SLC9A9: variants seen among roughly 807,000 people sequenced by gnomAD.
SLC9A9 encodes sodium/hydrogen exchanger 9.
In SLC9A9, 62 loss-of-function variants were observed where a neutral mutation model predicts 77.8. That is an observed-to-expected ratio of 0.80 (90% CI 0.65 to 0.98). SLC9A9 has a LOEUF of 0.98. SLC9A9 is among the 50% of genes least tolerant of loss of function. The pLI, the probability that SLC9A9 is intolerant of heterozygous loss-of-function variation, is 0.00. For missense variants in SLC9A9, 775 were observed against 774.9 expected (o/e 1.00, Z 0.00); for synonymous variants, 320 against 283.5 (o/e 1.13, Z -1.29).
At chr3:143,695,961 A>T (rs1458762354) in intron 4 of SLC9A9, among the ~76,000 whole-genome samples, 1 of 151,890 alleles carries the variant, frequency 6.6e-6, no homozygotes, top group African/African-American at 2.4e-5. Flanking sequence ...TCTTTTGAGA[A>T]GTGTCTGTTC....
At chr3:143,442,046 C>T (rs1457981154) in intron 12 of SLC9A9, among the ~76,000 whole-genome samples, 1 of 152,122 alleles carries the variant, frequency 6.6e-6, no homozygotes, top group Non-Finnish European at 1.5e-5. Flanking sequence ...CTTAACTACC[C>T]ATCCATCCAC....
At chr3:143,373,638 A>T (rs1177022024) in intron 13 of SLC9A9, among the ~76,000 whole-genome samples, 1 of 146,412 alleles carries the variant, frequency 6.8e-6, no homozygotes, top group African/African-American at 2.5e-5. Context: ...AATAGCCATT[A>T]AAAATTCCTG....
At chr3:143,707,963 C>G (rs1439223578) in intron 4 of SLC9A9, among the ~76,000 whole-genome samples, 1 of 152,182 alleles carries the variant, frequency 6.6e-6, no homozygotes, top group Non-Finnish European at 1.5e-5. Flanking sequence ...GAAGCACTCA[C>G]TCACCCTTGC....
intron 14 of SLC9A9, among the ~76,000 whole-genome samples, chr3:143,304,326 C>T (rs749147456): frequency 3.9e-5 from 6 of 152,220 alleles, no homozygotes; most frequent in Non-Finnish European, 8.8e-5. Flanking sequence ...ATCCAAGAAA[C>T]ACCCACGTTA....
intron 14 of SLC9A9, among the ~76,000 whole-genome samples, chr3:143,303,451 G>T (rs2030626328): frequency 6.6e-6 from 1 of 152,036 alleles, no homozygotes; most frequent in Non-Finnish European, 1.5e-5. Flanking sequence ...AGGAGCAGAG[G>T]TGTGAAACAG....
At chr3:143,694,088 G>T (rs1933558294) in intron 4 of SLC9A9, among the ~76,000 whole-genome samples, 1 of 152,112 alleles carries the variant, frequency 6.6e-6, no homozygotes, top group Admixed American at 6.6e-5. Context: ...CTGAATCACA[G>T]TGTAATTTAA....
rs747972846 is a variant in SLC9A9 at position 143,832,032 on chromosome 3, G to A, written c.365C>T (p.Ala122Val). The A allele has an allele frequency of 1.2e-6, 2 of 1,611,434 alleles. No homozygotes were observed. Among genetic ancestry groups the A allele is most frequent in the Non-Finnish European group, 1.7e-6 (2 of 1,178,410 alleles). Reference protein sequence around the residue: ...QHNINPHQGNAILEKMTFDPE... With the variant: ...QHNINPHQGNVILEKMTFDPE... ...CAGGATCCTTACCTTTTCAAGTATA[G>A]CATTTCCTTGATGAGGATTGATGTT... is the stretch of plus-strand genomic sequence containing the variant. The change falls in exon 2 of 16, where the codon GCT becomes GTT. Residue 122 changes from alanine (A) to valine (V), a missense_variant. Ala to Val is a moderately conservative substitution (Grantham distance 64). Coordinates refer to ENST00000316549, the MANE Select transcript of SLC9A9 (RefSeq NM_173653.4).
intron 13 of SLC9A9, among the ~76,000 whole-genome samples, chr3:143,367,851 C>A (rs868041490): frequency 1.3e-4 from 20 of 151,958 alleles, no homozygotes; most frequent in African/African-American, 4.8e-4. Context: ...ATCTTTATTC[C>A]AGAGGGGATG....
chr3:143,402,914 A>G (rs536935317), intron 12 of SLC9A9, among the ~76,000 whole-genome samples: 51 of 151,302 alleles, frequency 3.4e-4, no homozygotes, highest in African/African-American at 1.1e-3. Flanking sequence ...AAAAAATCAT[A>G]TTTTTTGTTA....
At chr3:143,651,984 A>T (rs986981232) in intron 6 of SLC9A9, among the ~76,000 whole-genome samples, 2 of 71,354 alleles carry the variant, frequency 2.8e-5, no homozygotes, top group Non-Finnish European at 5.8e-5. Context: ...TGTGCATTTT[A>T]GGAACCTAAG....
At chr3:143,392,273 C>A (rs1559895431) in intron 12 of SLC9A9, among the ~76,000 whole-genome samples, 1 of 152,142 alleles carries the variant, frequency 6.6e-6, no homozygotes, top group Non-Finnish European at 1.5e-5. Context: ...CTCTACAAGC[C>A]AGAAGACAGT....
At chr3:143,705,949 A>G (rs1164155765) in intron 4 of SLC9A9, among the ~76,000 whole-genome samples, 1 of 152,232 alleles carries the variant, frequency 6.6e-6, no homozygotes, top group Non-Finnish European at 1.5e-5. Context: ...GGAAAGCGCT[A>G]AGTGTCCTAC....
intron 14 of SLC9A9, among the ~76,000 whole-genome samples, chr3:143,283,498 C>A (rs1459550568): frequency 1.3e-5 from 2 of 152,212 alleles, no homozygotes; most frequent in East Asian, 1.9e-4. Flanking sequence ...CACTGAGAGG[C>A]AAAGCTGCTC....
At chr3:143,355,920 T>C (rs2032572991) in intron 14 of SLC9A9, among the ~76,000 whole-genome samples, 1 of 152,208 alleles carries the variant, frequency 6.6e-6, no homozygotes, top group African/African-American at 2.4e-5. Context: ...TAAATCTAGA[T>C]CTTCATATCA....
intron 4 of SLC9A9, among the ~76,000 whole-genome samples, chr3:143,759,736 G>T (rs1196433391): frequency 1.3e-5 from 2 of 151,618 alleles, no homozygotes. Flanking sequence ...CCAATGTATG[G>T]TTTCTATCTC....
chr3:143,351,096 T>C (rs1408118218), intron 14 of SLC9A9, among the ~76,000 whole-genome samples: 1 of 152,206 alleles, frequency 6.6e-6, no homozygotes, highest in African/African-American at 2.4e-5. Context: ...TTTAAAACCT[T>C]TTTGATTATG....
Position 143,848,257 on chromosome 3 carries a change from C to T in SLC9A9, c.66G>A (p.Val22=). Residue 22 remains valine, a synonymous_variant, in exon 1 of 16, where the codon GTG becomes GTA. Coordinates refer to ENST00000316549, the MANE Select transcript of SLC9A9 (RefSeq NM_173653.4). ...GCAAAAAATTGAAGACAAGCAGCTC[C>T]ACCGCTCCCTGATGTTGAAACTGAT... The part of the protein sequence containing the change: ...DEYQFQHQGA[V]ELLVFNFLLI... 1 of 1,614,018 alleles carries T rather than the reference C, an allele frequency of 6.2e-7. No homozygotes were observed. The highest frequency in any genetic ancestry group is 8.5e-7 in the Non-Finnish European group (1 of 1,179,936).
intron 5 of SLC9A9, among the ~76,000 whole-genome samples, chr3:143,665,237 G>A (rs1015854941): frequency 1.3e-5 from 2 of 152,138 alleles, no homozygotes; most frequent in African/African-American, 4.8e-5. Flanking sequence ...GAATGACTAT[G>A]GGGTAAATAA....
chr3:143,508,167 G>A (rs898323715), intron 9 of SLC9A9, among the ~76,000 whole-genome samples: 7 of 152,132 alleles, frequency 4.6e-5, no homozygotes, highest in Admixed American at 2.6e-4. Flanking sequence ...TTTAAGACAT[G>A]ACTGAGGATA....
Sources: gnomAD v4.1 joint callset for allele counts (sites outside exome capture counted in the v4.1 genomes callset) on GRCh38, gnomAD v4.1.1 for gene constraint, MANE v1.5 for transcripts, NCBI Gene and HGNC (gene_info 2026-07-23, HGNC 2026-07-21) for gene names.